KAT2B: variants seen among roughly 807,000 people sequenced by gnomAD.
KAT2B encodes histone acetyltransferase KAT2B.
A neutral mutation model predicts 105.9 loss-of-function variants in KAT2B; 36 were observed. That is an observed-to-expected ratio of 0.34 (90% CI 0.26 to 0.45). KAT2B has a LOEUF of 0.45. Among genes scored for constraint, KAT2B ranks in the 20% least tolerant of loss-of-function variants. The pLI is 1.00. For synonymous variants in KAT2B, 397 were observed against 377.9 expected (o/e 1.05, Z -0.59); for missense variants, 820 against 1,021.6 (o/e 0.80, Z 2.69).
At chr3:20,049,353 G>A (rs1697873760) in intron 1 of KAT2B, among the ~76,000 whole-genome samples, 1 of 152,158 alleles carries the variant, frequency 6.6e-6, no homozygotes, top group South Asian at 2.1e-4. Context: ...TTGTGTGTTT[G>A]CCAAAGTGTT....
chr3:20,041,897 A>G (rs1390113779), intron 1 of KAT2B, among the ~76,000 whole-genome samples: 1 of 152,064 alleles, frequency 6.6e-6, no homozygotes, highest in Non-Finnish European at 1.5e-5. Flanking sequence ...TCTAGGTTAT[A>G]CTCTTCTTGG....
intron 2 of KAT2B, among the ~76,000 whole-genome samples, chr3:20,084,789 C>A (rs141960542): frequency 1.6e-3 from 242 of 152,228 alleles, no homozygotes; most frequent in Non-Finnish European, 2.9e-3. Flanking sequence ...GGTTCTTGAG[C>A]CTTCTAAAAA....
At chr3:20,058,249 G>A (rs932203611) in intron 1 of KAT2B, among the ~76,000 whole-genome samples, 1 of 152,004 alleles carries the variant, frequency 6.6e-6, no homozygotes, top group African/African-American at 2.4e-5. Flanking sequence ...CCTGAGGTCA[G>A]GAGTTCAAGA....
At chr3:20,110,931 G>A (rs1699110574) in intron 5 of KAT2B, among the ~76,000 whole-genome samples, 1 of 152,054 alleles carries the variant, frequency 6.6e-6, no homozygotes, top group Admixed American at 6.6e-5. Flanking sequence ...GTACCTAGGC[G>A]ACAAATGGTA....
chr3:20,062,974 G>C (rs1698163628), intron 1 of KAT2B, among the ~76,000 whole-genome samples: 1 of 151,952 alleles, frequency 6.6e-6, no homozygotes, highest in African/African-American at 2.4e-5. Flanking sequence ...CATTCTCTGG[G>C]TTGCCTTTTC....
At position 20,040,555 on chromosome 3, in the gene KAT2B, C is replaced by G; in HGVS notation, c.78C>G (p.Pro26=). Residue 26 remains proline, a synonymous_variant, in exon 1 of 18, where the codon CCC becomes CCG. Coordinates refer to ENST00000263754, the MANE Select transcript of KAT2B (RefSeq NM_003884.5). ...AGAGAGPGAL[P]PQPAALPPAP... The stretch of plus-strand genomic sequence containing the variant: ...CAGGGGCCGGGCCCGGGGCGCTGCC[C>G]CCGCAGCCTGCGGCGCTTCCGCCCG... 3 of 1,047,572 alleles carry G rather than the reference C, an allele frequency of 2.9e-6. No homozygotes were observed. Among genetic ancestry groups the G allele is most frequent in the Non-Finnish European group, 2.3e-6 (2 of 867,848 alleles). 64.9% of individuals were successfully genotyped at this position (1,047,572 alleles called of 1,614,324 possible).
intron 2 of KAT2B, among the ~76,000 whole-genome samples, chr3:20,094,514 G>T (rs761932837): frequency 6.6e-6 from 1 of 152,124 alleles, no homozygotes; most frequent in Non-Finnish European, 1.5e-5. Context: ...TGGGATTGGG[G>T]ATTAAATGTA....
Position 20,101,433 on chromosome 3 carries a change from T to G in KAT2B, c.816T>G (p.Asn272Lys). 1 of 1,614,132 alleles carries G rather than the reference T, an allele frequency of 6.2e-7. No homozygotes were observed. The highest frequency in any genetic ancestry group is 8.5e-7 in the Non-Finnish European group (1 of 1,179,962). The change falls in exon 5 of 18, where the codon AAT becomes AAG. Residue 272 changes from asparagine (N) to lysine (K), a missense_variant. By Grantham distance (94) the Asn-to-Lys change is moderately conservative (BLOSUM62 0). Around this residue, in one of 6 missense-constraint regions of KAT2B, gnomAD observed 173 missense variants for 249.5 expected, o/e 0.69. Transcript: ENST00000263754. ...CTCAACGAAGACTGCGATCTCCCAA[T>G]GATGATATTTCTGGATACAAAGAGA... ...APSQRRLRSP[N>K]DDISGYKENY... is the part of the protein sequence containing the mutation.
chr3:20,152,429 G>C lies in KAT2B; in HGVS notation c.2403G>C (p.Glu801Asp), dbSNP rs1436873007. The C allele has an allele frequency of 6.2e-7, 1 of 1,613,334 alleles. No homozygotes were observed. The highest frequency in any genetic ancestry group is 8.5e-7 in the Non-Finnish European group (1 of 1,179,438). Residue 801 changes from glutamate (E) to aspartate (D), a missense_variant, in exon 18 of 18, where the codon GAG becomes GAC. Around this residue, in one of 6 missense-constraint regions of KAT2B, gnomAD observed 227 missense variants for 292.9 expected, o/e 0.77. Coordinates refer to ENST00000263754, the MANE Select transcript of KAT2B (RefSeq NM_003884.5). Reference sequence around the variant, plus strand: ...AGCGAGTCTTTACCAATTGCAAAGAGTACAACCCCCCTGAGAGTGAATACT... The same window carrying C: ...AGCGAGTCTTTACCAATTGCAAAGACTACAACCCCCCTGAGAGTGAATACT... ...DLQRVFTNCK[E>D]YNPPESEYYK... is the part of the protein sequence containing the mutation.
intron 13 of KAT2B, among the ~76,000 whole-genome samples, chr3:20,142,892 T>C (rs898405946): frequency 3.4e-4 from 48 of 139,274 alleles, no homozygotes; most frequent in South Asian, 1.2e-3. Flanking sequence ...TGCCTGTGTG[T>C]GTGTGTGTGT....
intron 11 of KAT2B, among the ~76,000 whole-genome samples, chr3:20,135,346 G>T (rs1335221791): frequency 6.6e-6 from 1 of 152,008 alleles, no homozygotes; most frequent in Non-Finnish European, 1.5e-5. Context: ...TGTTATATTA[G>T]AAAAAACTCC....
intron 2 of KAT2B, among the ~76,000 whole-genome samples, chr3:20,086,914 TA>T (rs1333842371): frequency 1.4e-5 from 2 of 148,024 alleles, no homozygotes; most frequent in Non-Finnish European, 3.0e-5. Flanking sequence ...CCCAAGTAGC[TA>T]GGATTACAGG....
chr3:20,074,180 C>G (rs1698378172), intron 2 of KAT2B, among the ~76,000 whole-genome samples: 1 of 152,092 alleles, frequency 6.6e-6, no homozygotes. Flanking sequence ...TCAAATTAAA[C>G]TAAAAGGACG....
intron 1 of KAT2B, among the ~76,000 whole-genome samples, chr3:20,048,374 A>G (rs1248828282): frequency 6.6e-6 from 1 of 152,196 alleles, no homozygotes; most frequent in Non-Finnish European, 1.5e-5. Flanking sequence ...GTTTTGTTTT[A>G]GGAAGTGTGT....
intron 7 of KAT2B, among the ~76,000 whole-genome samples, chr3:20,116,729 A>G (rs1457057740): frequency 1.3e-5 from 2 of 152,144 alleles, no homozygotes; most frequent in Non-Finnish European, 2.9e-5. Flanking sequence ...TGCTCAGCTA[A>G]GATGCTTCCT....
At chr3:20,066,149 A>G (rs894118852) in intron 1 of KAT2B, among the ~76,000 whole-genome samples, 2 of 152,016 alleles carry the variant, frequency 1.3e-5, no homozygotes, top group Non-Finnish European at 2.9e-5. Context: ...AATCCTTGGC[A>G]TTCTTTGGCT....
intron 4 of KAT2B, chr3:20,101,075 C>A: frequency 1.9e-6 from 1 of 532,342 alleles, no homozygotes; most frequent in South Asian, 3.0e-5. Flanking sequence ...CAACTCACAG[C>A]CTCTCTGTCT....
At chr3:20,135,574 A>C (rs1699586267) in intron 11 of KAT2B, among the ~76,000 whole-genome samples, 2 of 152,014 alleles carry the variant, frequency 1.3e-5, no homozygotes, top group South Asian at 4.2e-4. Flanking sequence ...GAATGGTATT[A>C]ACCTGGGAGG....
At chr3:20,049,650 A>C (rs544096924) in intron 1 of KAT2B, among the ~76,000 whole-genome samples, 1 of 152,152 alleles carries the variant, frequency 6.6e-6, no homozygotes, top group East Asian at 1.9e-4. Flanking sequence ...ATTGTACTCC[A>C]ATTGAGAGGT....
Sources: gnomAD v4.1 joint callset for allele counts (sites outside exome capture counted in the v4.1 genomes callset) on GRCh38, gnomAD v4.1.1 for gene constraint, gnomAD v4.1.1 regional missense constraint, MANE v1.5 for transcripts, NCBI Gene and HGNC (gene_info 2026-07-23, HGNC 2026-07-21) for gene names.